Variants in PDGFRB observed in about 807,000 individuals in gnomAD.
PDGFRB encodes platelet derived growth factor receptor beta.
PDGFRB carries 42 observed loss-of-function variants against 120.2 expected under a neutral mutation model. The observed-to-expected ratio is 0.35, with a 90% CI of 0.27 to 0.45. PDGFRB has a LOEUF of 0.45. PDGFRB is among the 20% of genes least tolerant of loss of function. The pLI is 1.00. For synonymous variants in PDGFRB, 586 were observed against 606.8 expected (o/e 0.97, Z 0.50); for missense variants, 1,149 against 1,476.3 (o/e 0.78, Z 3.63).
At chr5:150,147,305 G>T (rs570916686) in intron 1 of PDGFRB, among the ~76,000 whole-genome samples, 8 of 152,344 alleles carry the variant, frequency 5.3e-5, no homozygotes, top group Non-Finnish European at 1.0e-4. Context: ...CATGGCAACA[G>T]GGAGTGCCAG....
chr5:150,149,754 AC>A (rs1684718700), intron 1 of PDGFRB, among the ~76,000 whole-genome samples: 1 of 152,014 alleles, frequency 6.6e-6, no homozygotes, highest in Admixed American at 6.5e-5. Flanking sequence ...GCTGAGCCCT[AC>A]CCCTCTAAGG....
intron 1 of PDGFRB, chr5:150,153,844 A>C (rs1202470247): frequency 1.3e-5 from 2 of 152,178 alleles, no homozygotes; most frequent in African/African-American, 2.4e-5. Flanking sequence ...ACCTGTGAGA[A>C]GGCTGGAGGC....
At position 150,137,070 on chromosome 5, in the gene PDGFRB, G is replaced by A. The variant is rs1760654956; in HGVS notation, c.-6-17C>T. 1 of 1,610,970 alleles carries A rather than the reference G, an allele frequency of 6.2e-7. No individual in the cohort carries two copies. The highest frequency in any genetic ancestry group is 8.5e-7 in the Non-Finnish European group (1 of 1,178,240). On this transcript the variant is annotated splice_polypyrimidine_tract_variant and intron_variant, in intron 1 of 22. Transcript: ENST00000261799. ...CATGGTGTCCTGCAGAGTTAAACAG[G>A]AGTCAGGGCCCAGGGCAGGTGGAGG...
Position 150,120,738 on chromosome 5 carries a change from GCAGGCACAGCC to G in PDGFRB, c.2586+139_2586+149del, listed in dbSNP as rs1281422344. ...ATCCTGTCCCTGCACACATAGCTGG[GCAGGCACAGCC>G]CATCACTGCTGTCAGGGCAGGCCAC... On this transcript the variant is annotated intron_variant, in intron 18 of 22. Transcript: ENST00000261799. This position sits in a 1 kb window ranked among gnomAD's most constrained non-coding sequence, Gnocchi z 4.3. 4 of 735,096 alleles carry G rather than the reference GCAGGCACAGCC, an allele frequency of 5.4e-6. No individual in the cohort carries two copies. Among genetic ancestry groups the G allele is most frequent in the Non-Finnish European group, 9.0e-6 (4 of 443,658 alleles). The allele number at this position is 735,096 out of a possible 1,614,324, so 45.5% of individuals were successfully genotyped here.
At chr5:150,144,337 C>T (rs1023535890) in intron 1 of PDGFRB, among the ~76,000 whole-genome samples, 4 of 152,182 alleles carry the variant, frequency 2.6e-5, no homozygotes, top group Admixed American at 6.6e-5. Context: ...TCTTCCGGCC[C>T]GGCCCTGACA....
chr5:150,152,786 T>C lies in PDGFRB; in HGVS notation c.-7+2611A>G, dbSNP rs188825016. 1.0e-2 allele frequency among the ~76,000 whole-genome samples: 1,516 copies of C among 152,332 alleles called. 13 individuals are homozygous for C. Among genetic ancestry groups the C allele is most frequent in the Middle Eastern group, 0.041 (12 of 294 alleles). ...TTAATTTCACAGCCAAGTGTTCCAATGCAGGAGGCCAGGAGAGCAGTGGTT... is the reference window on the plus strand; with the variant it reads ...TTAATTTCACAGCCAAGTGTTCCAACGCAGGAGGCCAGGAGAGCAGTGGTT... On this transcript the variant is annotated intron_variant, in intron 1 of 22. Coordinates refer to ENST00000261799, the MANE Select transcript of PDGFRB (RefSeq NM_002609.4).
At chr5:150,133,036 G>A (rs909534138) in intron 6 of PDGFRB, 94 bp from the exon 7 acceptor site, 8 of 869,766 alleles carry the variant, frequency 9.2e-6, no homozygotes, top group Non-Finnish European at 1.4e-5. Flanking sequence ...CTTCAGGCCT[G>A]GGGACCGTGC....
chr5:150,115,987 C>T, intron 22 of PDGFRB, 41 bp from the exon 23 acceptor site: 1 of 1,531,156 alleles, frequency 6.5e-7, no homozygotes, highest in Non-Finnish European at 8.8e-7. Context: ...AGGAAGGAGC[C>T]CAGGAGGATT....
Position 150,136,999 on chromosome 5 carries a change from T to C in PDGFRB, c.40+9A>G. 1 of 1,612,210 alleles carries C rather than the reference T, an allele frequency of 6.2e-7. No individual in the cohort carries two copies. The highest frequency in any genetic ancestry group is 8.5e-7 in the Non-Finnish European group (1 of 1,178,462). ...CCCGGGTCCCCTACCTTATCTCCCA[T>C]CTACCCACCTTTGAGGGCCAGAGCT... On this transcript the variant is annotated intron_variant, in intron 2 of 22. Coordinates refer to ENST00000261799, the MANE Select transcript of PDGFRB (RefSeq NM_002609.4).
intron 11 of PDGFRB, among the ~76,000 whole-genome samples, chr5:150,125,898 C>T (rs1173603642): frequency 6.6e-6 from 1 of 152,210 alleles, no homozygotes; most frequent in African/African-American, 2.4e-5. Context: ...AGTAGTAGAG[C>T]AGGTGACCCC....
chr5:150,123,192 T>C lies in PDGFRB; in HGVS notation c.2033A>G (p.Tyr678Cys), dbSNP rs1760197509. The change falls in exon 15 of 23, where the codon TAT becomes TGT. Residue 678 changes from tyrosine (Y) to cysteine (C), a missense_variant. Tyr to Cys is a radical substitution (Grantham distance 194). Transcript: ENST00000261799. ...GTAGCGGCAGTACTCAGTGATGATA[T>C]AGATGGGTCCTGCAGAGGGACAGGC... ...LGACTKGGPI[Y>C]IITEYCRYGD... The C allele has an allele frequency of 6.2e-7, 1 of 1,613,264 alleles. No homozygotes were observed. Among genetic ancestry groups the C allele is most frequent in the Non-Finnish European group, 8.5e-7 (1 of 1,179,732 alleles).
intron 1 of PDGFRB, among the ~76,000 whole-genome samples, chr5:150,138,167 G>A (rs923074780): frequency 2.6e-5 from 4 of 152,230 alleles, no homozygotes; most frequent in Admixed American, 6.5e-5. Flanking sequence ...AAGGACGCCA[G>A]AGGACAGGGG....
At chr5:150,125,813 C>T (rs1389994518) in intron 11 of PDGFRB, among the ~76,000 whole-genome samples, 1 of 152,206 alleles carries the variant, frequency 6.6e-6, no homozygotes, top group Non-Finnish European at 1.5e-5. Flanking sequence ...TGAGGAGCAA[C>T]TGGCAGCTGA....
chr5:150,134,091 G>C lies in PDGFRB; in HGVS notation c.632-83C>G. The C allele has an allele frequency of 2.4e-6, 3 of 1,246,930 alleles. No homozygotes were observed. The South Asian group carries it at 3.6e-5, about 15-fold the overall frequency. 77.2% of individuals were successfully genotyped at this position (1,246,930 alleles called of 1,614,324 possible). A position where few individuals can be genotyped will look rare whatever the true frequency, so the allele number is the denominator to read the frequency against. On this transcript the variant is annotated intron_variant, in intron 4 of 22. Coordinates refer to ENST00000261799, the MANE Select transcript of PDGFRB (RefSeq NM_002609.4). The stretch of plus-strand genomic sequence containing the variant: ...AGCTTGGGGATAGGGTAGGGGGCTA[G>C]AGAGGGAAAGGATGACTGATGTAGA...
At chr5:150,128,627 A>T (rs1760362589) in intron 10 of PDGFRB, among the ~76,000 whole-genome samples, 2 of 152,228 alleles carry the variant, frequency 1.3e-5, no homozygotes, top group Non-Finnish European at 2.9e-5. Flanking sequence ...GCTTTTACAC[A>T]GGCCATTCCC....
chr5:150,124,063 G>A, intron 14 of PDGFRB, 187 bp downstream of exon 14: 1 of 431,430 alleles, frequency 2.3e-6, no homozygotes, highest in Non-Finnish European at 4.2e-6. Flanking sequence ...CCTTGAAGGT[G>A]TTGTGATTTT....
intron 12 of PDGFRB, 36 bp from the exon 13 acceptor site, chr5:150,124,867 C>T: frequency 9.1e-7 from 1 of 1,096,248 alleles, no homozygotes; most frequent in African/African-American, 1.5e-5. Context: ...CCTGGCCTAC[C>T]AGGAAGCTGC....
At chr5:150,131,274 T>A (rs1760457499) in intron 8 of PDGFRB, among the ~76,000 whole-genome samples, 2 of 152,086 alleles carry the variant, frequency 1.3e-5, no homozygotes, top group Non-Finnish European at 2.9e-5. Flanking sequence ...TGACTTCATC[T>A]CCCACCACTC....
Position 150,115,450 on chromosome 5 carries a change from A to C in PDGFRB, c.*313T>G. On this transcript the variant is annotated 3_prime_UTR_variant, in exon 23 of 23. Transcript: ENST00000261799. ...TCCCCACCTGTCAGCCAGGGAGAGA[A>C]TCCTAGATTCTGGGTCATCAAGCCT... 2 of 284,784 alleles carry C rather than the reference A, an allele frequency of 7.0e-6. No homozygotes were observed. Among genetic ancestry groups the C allele is most frequent in the Non-Finnish European group, 6.5e-6 (1 of 153,756 alleles). The allele number at this position is 284,784 out of a possible 1,614,324, so 17.6% of individuals were successfully genotyped here. A position where few individuals can be genotyped will look rare whatever the true frequency, so the allele number is the denominator to read the frequency against.
Sources: allele counts gnomAD v4.1 joint callset (sites outside exome capture counted in the v4.1 genomes callset), GRCh38; gene constraint gnomAD v4.1.1; non-coding constraint Gnocchi (gnomAD v3.1); transcripts MANE v1.5; gene names NCBI Gene and HGNC (gene_info 2026-07-23, HGNC 2026-07-21).